RNF111: variants seen among roughly 807,000 people sequenced by gnomAD.
RNF111 encodes ring finger protein 111, also known as E3 ubiquitin-protein ligase Arkadia.
In RNF111, 17 loss-of-function variants were observed where a neutral mutation model predicts 95.1. The ratio of observed to expected loss-of-function variants is 0.18; its 90% CI spans 0.12 to 0.27. The LOEUF is 0.27. Ranked by LOEUF, RNF111 falls within the 10% of genes least tolerant of loss-of-function variation. The probability of loss-of-function intolerance (pLI) is 1.00; values close to 1 mark genes in which losing one functional copy is unlikely to be tolerated. For synonymous variants in RNF111, 440 were observed against 414.8 expected (o/e 1.06, Z -0.74); for missense variants, 1,189 against 1,210.4 (o/e 0.98, Z 0.26).
At chr15:59,029,580 G>A (rs2040805340) in intron 1 of RNF111, among the ~76,000 whole-genome samples, 1 of 152,208 alleles carries the variant, frequency 6.6e-6, no homozygotes, top group Non-Finnish European at 1.5e-5. Context: ...TAACATGGGA[G>A]ACCTGTAAGA....
chr15:59,087,963 C>T (rs1457774472), intron 10 of RNF111, among the ~76,000 whole-genome samples: 7 of 152,008 alleles, frequency 4.6e-5, no homozygotes, highest in South Asian at 4.1e-4. Flanking sequence ...AGATTACGTA[C>T]GGTAAGGAAG....
chr15:59,094,880 C>A lies in RNF111; in HGVS notation c.2941C>A (p.Gln981Lys). Reference protein sequence around the residue: ...CPICRVDIEAQLPSES With the variant: ...CPICRVDIEAKLPSES ...CATATGCAGAGTGGACATTGAGGCC[C>A]AGCTGCCAAGTGAAAGTTGACACCA... The change falls in exon 14 of 14, where the codon CAG (glutamine) becomes AAG (lysine). Residue 981 changes from glutamine (Q) to lysine (K), a missense_variant. By Grantham distance (53) the Gln-to-Lys change is moderately conservative. Transcript: ENST00000348370. 6.2e-7 allele frequency: 1 copy of A among 1,604,588 alleles called. No homozygotes were observed. Among genetic ancestry groups the A allele is most frequent in the Non-Finnish European group, 8.5e-7 (1 of 1,171,804 alleles).
intron 6 of RNF111, among the ~76,000 whole-genome samples, chr15:59,070,919 A>G (rs1270962423): frequency 1.3e-5 from 2 of 152,130 alleles, no homozygotes; most frequent in African/African-American, 4.8e-5. Flanking sequence ...ATAATTCCAT[A>G]TATAACATCA....
intron 1 of RNF111, among the ~76,000 whole-genome samples, chr15:59,015,881 A>G (rs1473896196): frequency 6.6e-6 from 1 of 151,970 alleles, no homozygotes; most frequent in Non-Finnish European, 1.5e-5. Flanking sequence ...TATTCGAGAC[A>G]GGTTCTCACG....
chr15:59,038,044 G>A (rs1462676807), intron 2 of RNF111, among the ~76,000 whole-genome samples: 1 of 152,096 alleles, frequency 6.6e-6, no homozygotes. Flanking sequence ...TTACATATAA[G>A]ATATTGAAAA....
At position 59,058,521 on chromosome 15, in the gene RNF111, G is replaced by A. The variant is rs1448759177; in HGVS notation, c.1337G>A (p.Ser446Asn). 6.2e-7 allele frequency: 1 copy of A among 1,613,964 alleles called. No homozygotes were observed. The highest frequency in any genetic ancestry group is 1.1e-5 in the South Asian group (1 of 91,082). ...TCAGAGACTTCAGCTACTCTTACAA[G>A]CAATAGTACCACTGGCACTTCTATA... Reference protein sequence around the residue: ...TVSETSATLTSNSTTGTSIGD... With the variant: ...TVSETSATLTNNSTTGTSIGD... The change falls in exon 5 of 14, where the codon AGC becomes AAC. Residue 446 changes from serine to asparagine, a missense_variant. By Grantham distance (46) the Ser-to-Asn change is conservative. Around this residue, in one of 2 missense-constraint regions of RNF111, gnomAD observed 1,024 missense variants for 925.9 expected, o/e 1.11. Coordinates refer to ENST00000348370, the MANE Select transcript of RNF111 (RefSeq NM_017610.8).
rs7164205 is a variant in RNF111 at position 59,056,171 on chromosome 15, C to T, written c.1171+326C>T. 3.8e-3 allele frequency among the ~76,000 whole-genome samples: 573 copies of T among 152,216 alleles called. 4 individuals are homozygous for T. Among genetic ancestry groups the T allele is most frequent in the African/African-American group, 0.013 (541 of 41,534 alleles). ...TTGCCATGAAAAAGTAGAAGCAGTA[C>T]TTTTTAAATATAAACACAAAAGCAG... On this transcript the variant is annotated intron_variant, in intron 4 of 13. Transcript: ENST00000348370.
intron 4 of RNF111, among the ~76,000 whole-genome samples, chr15:59,057,827 T>C (rs1481528543): frequency 6.6e-6 from 1 of 152,224 alleles, no homozygotes; most frequent in African/African-American, 2.4e-5. Flanking sequence ...ATGACAGTTC[T>C]ATGAAGAAAA....
At chr15:59,006,544 AT>A (rs2039546766) in intron 1 of RNF111, among the ~76,000 whole-genome samples, 1 of 152,222 alleles carries the variant, frequency 6.6e-6, no homozygotes, top group Non-Finnish European at 1.5e-5. Flanking sequence ...AGATGAAAGA[AT>A]TGTACAGTGA....
chr15:59,070,410 A>G (rs2042866806), intron 6 of RNF111, among the ~76,000 whole-genome samples: 1 of 152,144 alleles, frequency 6.6e-6, no homozygotes, highest in Admixed American at 6.5e-5. Context: ...CTGACTAGAG[A>G]TGAAGATAAA....
intron 1 of RNF111, among the ~76,000 whole-genome samples, chr15:59,013,421 G>A (rs1205777795): frequency 2.6e-5 from 4 of 152,066 alleles, no homozygotes; most frequent in South Asian, 2.1e-4. Context: ...TAACAGTTTT[G>A]TGGGTTACCT....
intron 1 of RNF111, among the ~76,000 whole-genome samples, chr15:59,023,393 G>A (rs1644656489): frequency 6.6e-6 from 1 of 152,096 alleles, no homozygotes; most frequent in Non-Finnish European, 1.5e-5. Context: ...GGTCCTTTGT[G>A]TCTCTTGTTA....
chr15:59,043,942 C>G (rs1352889398), intron 2 of RNF111, among the ~76,000 whole-genome samples: 3 of 152,190 alleles, frequency 2.0e-5, no homozygotes, highest in African/African-American at 4.8e-5. Flanking sequence ...GTCACTTAAA[C>G]TTTCTAAGCT....
intron 7 of RNF111, among the ~76,000 whole-genome samples, chr15:59,078,478 T>G (rs2078632478): frequency 6.7e-6 from 1 of 150,054 alleles, no homozygotes; most frequent in South Asian, 2.1e-4. Flanking sequence ...GAGTTCAAGG[T>G]TGTAGTGTGC....
In RNF111 at chr15:58,991,129, T is replaced by TAA. The variant is rs560831323; in HGVS notation, c.-20+3070_-20+3071dup. Among the ~76,000 whole-genome samples, 396 of 148,278 alleles carry TAA rather than the reference T, an allele frequency of 2.7e-3. 2 individuals are homozygous for TAA. Among genetic ancestry groups the TAA allele is most frequent in the African/African-American group, 9.3e-3 (376 of 40,476 alleles). On this transcript the variant is annotated intron_variant, in intron 1 of 13. Transcript: ENST00000348370. ...CAACATGGTGAAACCCCGTCTGTAC[T>TAA]AAAAAAAAAATACAAAAATTAGCTG...
chr15:59,093,292 T>TA, intron 13 of RNF111: 1 of 372,548 alleles, frequency 2.7e-6, no homozygotes, highest in Non-Finnish European at 5.1e-6. Flanking sequence ...CTTCAAAACT[T>TA]AAACAGGGAT....
At chr15:59,020,821 T>C (rs1167383635) in intron 1 of RNF111, among the ~76,000 whole-genome samples, 1 of 152,242 alleles carries the variant, frequency 6.6e-6, no homozygotes, top group Non-Finnish European at 1.5e-5. Context: ...TTGGCTTTGA[T>C]AGGTTTTATG....
chr15:59,041,996 G>A (rs1308025325), intron 2 of RNF111, among the ~76,000 whole-genome samples: 2 of 132,524 alleles, frequency 1.5e-5, no homozygotes, highest in East Asian at 4.2e-4. Context: ...TTTGATATCA[G>A]GATACTGGTC....
rs1452684232 is a variant in RNF111, at chr15:59,097,012, T to G, written c.*2112T>G. ...TGATTTTTTTAATGTAGGCAAAGCTTTGTTACTTTGAAATTTATTTAATAA... is the reference window on the plus strand; with the variant it reads ...TGATTTTTTTAATGTAGGCAAAGCTGTGTTACTTTGAAATTTATTTAATAA... On this transcript the variant is annotated 3_prime_UTR_variant, in exon 14 of 14. Coordinates refer to ENST00000348370, the MANE Select transcript of RNF111 (RefSeq NM_017610.8). The G allele has an allele frequency of 6.6e-6, 1 of 152,234 alleles. No homozygotes were observed. The highest frequency in any genetic ancestry group is 2.1e-4 in the South Asian group (1 of 4,830). The allele number at this position is 152,234 out of a possible 1,614,324, so 9.4% of individuals were successfully genotyped here.
Sources: allele counts gnomAD v4.1 joint callset (sites outside exome capture counted in the v4.1 genomes callset), GRCh38; gene constraint gnomAD v4.1.1; regional missense constraint gnomAD v4.1.1; transcripts MANE v1.5; gene names NCBI Gene and HGNC (gene_info 2026-07-23, HGNC 2026-07-21).